VPS50: variants seen among roughly 807,000 people sequenced by gnomAD.
The protein encoded by VPS50 is VPS50 subunit of EARP/GARPII complex.
Under a neutral mutation model 139.7 loss-of-function variants are expected in VPS50, and 70 were observed. The observed-to-expected ratio is 0.50, with a 90% CI of 0.41 to 0.61. The LOEUF (loss-of-function observed/expected upper bound fraction) is 0.61. Ranked by LOEUF, VPS50 falls within the 20% of genes least tolerant of loss-of-function variation. The pLI is 0.00. For synonymous variants in VPS50, 365 were observed against 376.7 expected (o/e 0.97, Z 0.36); for missense variants, 921 against 1,133.7 (o/e 0.81, Z 2.69).
At chr7:93,308,170 G>A (rs1360782144) in intron 18 of VPS50, among the ~76,000 whole-genome samples, 1 of 151,710 alleles carries the variant, frequency 6.6e-6, no homozygotes, top group Non-Finnish European at 1.5e-5. Flanking sequence ...TGCTGTCACT[G>A]CTTCCTTTAC....
At chr7:93,233,048 A>G (rs1416347748) in intron 1 of VPS50, among the ~76,000 whole-genome samples, 1 of 152,224 alleles carries the variant, frequency 6.6e-6, no homozygotes, top group Non-Finnish European at 1.5e-5. Flanking sequence ...ATAAGCTAAT[A>G]TATGTGAAAA....
intron 25 of VPS50, among the ~76,000 whole-genome samples, chr7:93,351,755 G>T (rs1053779689): frequency 6.6e-6 from 1 of 152,092 alleles, no homozygotes; most frequent in Admixed American, 6.6e-5. Context: ...ATTTAGGGAG[G>T]ATACAACATT....
intron 16 of VPS50, among the ~76,000 whole-genome samples, chr7:93,297,707 G>T (rs79551152): frequency 0.015 from 2,299 of 152,206 alleles, 71 homozygotes; most frequent in African/African-American, 0.053. Flanking sequence ...TTTGTATACT[G>T]CATTGCTTTG....
At position 93,349,987 on chromosome 7, in the gene VPS50, AAG is replaced by A. The variant is rs766101731; in HGVS notation, c.2419_2420del (p.Glu807AsnfsTer17). On this transcript the variant is annotated frameshift_variant, in exon 25 of 28. Coordinates refer to ENST00000305866, the MANE Select transcript of VPS50 (RefSeq NM_017667.4). LOFTEE classifies it high-confidence loss of function. ...ATGGCTAATGTGAAATGGGATGTAA[AAG>A]AAATTATGTCACAGCACAACATATA... The A allele has an allele frequency of 1.9e-6, 3 of 1,613,232 alleles. No individual in the cohort carries two copies. The highest frequency in any genetic ancestry group is 2.5e-6 in the Non-Finnish European group (3 of 1,179,376).
intron 20 of VPS50, among the ~76,000 whole-genome samples, chr7:93,317,989 C>T (rs1443603029): frequency 1.3e-5 from 2 of 151,682 alleles, no homozygotes; most frequent in East Asian, 3.9e-4. Context: ...AAAATATTTT[C>T]ATATGTAATG....
At chr7:93,345,543 A>C (rs2099898254) in intron 23 of VPS50, among the ~76,000 whole-genome samples, 1 of 152,234 alleles carries the variant, frequency 6.6e-6, no homozygotes, top group African/African-American at 2.4e-5. Flanking sequence ...ATTTTAGACC[A>C]ATATCCTTGA....
intron 23 of VPS50, among the ~76,000 whole-genome samples, chr7:93,344,323 G>T (rs138466892): frequency 6.6e-6 from 1 of 152,138 alleles, no homozygotes; most frequent in African/African-American, 2.4e-5. Flanking sequence ...GCACCCAGAT[G>T]CATAAAGCAA....
intron 10 of VPS50, among the ~76,000 whole-genome samples, chr7:93,271,464 A>C (rs1033660443): frequency 6.6e-6 from 1 of 151,792 alleles, no homozygotes; most frequent in Non-Finnish European, 1.5e-5. Flanking sequence ...TCAAAACAGC[A>C]TTTGAAAATA....
intron 12 of VPS50, among the ~76,000 whole-genome samples, chr7:93,281,296 A>G (rs1340845471): frequency 2.0e-5 from 3 of 152,238 alleles, no homozygotes; most frequent in Non-Finnish European, 4.4e-5. Flanking sequence ...TTGGGAGTCA[A>G]CCAATATCTT....
intron 22 of VPS50, among the ~76,000 whole-genome samples, chr7:93,336,184 T>C (rs945471981): frequency 3.9e-5 from 6 of 152,200 alleles, no homozygotes; most frequent in African/African-American, 1.4e-4. Flanking sequence ...ATATTTCTCT[T>C]GCACGTCAGT....
chr7:93,274,854 T>C (rs1796108361), intron 11 of VPS50, among the ~76,000 whole-genome samples: 1 of 152,140 alleles, frequency 6.6e-6, no homozygotes, highest in South Asian at 2.1e-4. Flanking sequence ...GGAAAGTCAA[T>C]TGAAAACCTC....
At chr7:93,325,278 C>G (rs1008319499) in intron 21 of VPS50, among the ~76,000 whole-genome samples, 1 of 152,118 alleles carries the variant, frequency 6.6e-6, no homozygotes, top group Non-Finnish European at 1.5e-5. Context: ...TTCCTTACAC[C>G]TTGTATATAC....
chr7:93,251,721 A>T (rs1018752112), intron 2 of VPS50, among the ~76,000 whole-genome samples: 1 of 152,208 alleles, frequency 6.6e-6, no homozygotes, highest in Non-Finnish European at 1.5e-5. Context: ...TAATTTTTGT[A>T]CATTTCCTTA....
intron 20 of VPS50, among the ~76,000 whole-genome samples, chr7:93,322,060 T>C (rs897562047): frequency 4.1e-5 from 6 of 146,966 alleles, no homozygotes; most frequent in African/African-American, 1.6e-4. Context: ...AGGATGATTG[T>C]GAAACAGAAG....
intron 12 of VPS50, among the ~76,000 whole-genome samples, chr7:93,289,297 G>T (rs1438486756): frequency 2.0e-5 from 3 of 152,002 alleles, no homozygotes; most frequent in Non-Finnish European, 2.9e-5. Flanking sequence ...CTGTGTTGAA[G>T]GGCCATTTTT....
intron 9 of VPS50, among the ~76,000 whole-genome samples, chr7:93,266,578 T>C (rs1165067022): frequency 3.3e-5 from 5 of 152,218 alleles, no homozygotes; most frequent in Non-Finnish European, 7.3e-5. Context: ...TAATATTTCC[T>C]GTAGTGATGG....
rs1232171835 is a variant in VPS50 at position 93,341,516 on chromosome 7, T to G, written c.2148T>G (p.Val716=). The G allele has an allele frequency of 1.9e-6, 3 of 1,612,166 alleles. No individual in the cohort carries two copies. Among genetic ancestry groups the G allele is most frequent in the Middle Eastern group, 1.7e-4 (1 of 6,060 alleles). ...VPSPHLSHLV[V]LTSGDTLYGL... ...GTCCACACCTCAGTCACCTAGTGGT[T>G]TTGACATCTGGGGATACGCTGTATG... Residue 716 remains valine, a synonymous_variant, in exon 23 of 28, where the codon GTT becomes GTG. Coordinates refer to ENST00000305866, the MANE Select transcript of VPS50 (RefSeq NM_017667.4).
chr7:93,319,234 C>T (rs1300839440), intron 20 of VPS50, among the ~76,000 whole-genome samples: 1 of 152,172 alleles, frequency 6.6e-6, no homozygotes, highest in African/African-American at 2.4e-5. Context: ...CATTTACAAA[C>T]TTGCTAATGT....
At chr7:93,265,255 C>T (rs1795806068) in intron 9 of VPS50, among the ~76,000 whole-genome samples, 1 of 152,140 alleles carries the variant, frequency 6.6e-6, no homozygotes, top group Non-Finnish European at 1.5e-5. Context: ...TTCTGCTGAA[C>T]TCTAGCATGG....
Sources: gnomAD v4.1 joint callset for allele counts (sites outside exome capture counted in the v4.1 genomes callset) on GRCh38, gnomAD v4.1.1 for gene constraint, MANE v1.5 for transcripts, NCBI Gene and HGNC (gene_info 2026-07-23, HGNC 2026-07-21) for gene names.